The following RUFY4 variants were observed in gnomAD, a reference collection of about 807,000 sequenced individuals.
The protein encoded by RUFY4 is RUN and FYVE domain containing 4.
A neutral mutation model predicts 69.0 loss-of-function variants in RUFY4; 73 were observed. The ratio of observed to expected loss-of-function variants is 1.06; its 90% CI spans 0.88 to 1.29. The LOEUF (loss-of-function observed/expected upper bound fraction) is 1.29. RUFY4 is among the 50% of genes most tolerant of loss of function. The pLI, the probability that RUFY4 is intolerant of heterozygous loss-of-function variation, is 0.00. For missense variants in RUFY4, 770 were observed against 705.6 expected (o/e 1.09, Z -1.03); for synonymous variants, 287 against 271.8 (o/e 1.06, Z -0.55).
intron 2 of RUFY4, among the ~76,000 whole-genome samples, chr2:218,040,100 T>G (rs1311076965): frequency 6.6e-6 from 1 of 152,122 alleles, no homozygotes; most frequent in Non-Finnish European, 1.5e-5. Flanking sequence ...AATTTAGGAA[T>G]AAACAAATGG....
intron 2 of RUFY4, among the ~76,000 whole-genome samples, chr2:218,038,313 T>C (rs1296058085): frequency 7.1e-6 from 1 of 140,592 alleles, no homozygotes; most frequent in Non-Finnish European, 1.6e-5. Context: ...ATGGCCATAG[T>C]TAAACATCTT....
upstream of RUFY4, among the ~76,000 whole-genome samples, chr2:218,068,137 G>GGAGGATGGCAGGGGGATA (rs1335551474): frequency 3.0e-5 from 4 of 133,532 alleles, no homozygotes; most frequent in Non-Finnish European, 5.0e-5. Context: ...GCAGGGGACT[G>GGAGGATGGCAGGGGGATA]GAGGAGGGCA....
chr2:218,090,134 C>T (rs1689998508), exon 11 of RUFY4: 1 of 815,192 alleles, frequency 1.2e-6, no homozygotes, highest in South Asian at 1.4e-5. Context: ...CGTAGCTCTT[C>T]CCAGCCCTCT....
chr2:218,055,271 T>A (rs1232234152), intron 2 of RUFY4, among the ~76,000 whole-genome samples: 1 of 152,058 alleles, frequency 6.6e-6, no homozygotes, highest in African/African-American at 2.4e-5. Flanking sequence ...GGCAGGCACC[T>A]GTAGTCCCAG....
At chr2:218,070,102 C>T (rs113064395), upstream of RUFY4, among the ~76,000 whole-genome samples, 2,748 of 152,230 alleles carry the variant, frequency 0.018, 84 homozygotes, top group African/African-American at 0.063. Context: ...GCTAGGGGCA[C>T]TCCATGGGGA....
upstream of RUFY4, among the ~76,000 whole-genome samples, chr2:218,065,332 T>C (rs1028391307): frequency 6.6e-6 from 1 of 152,136 alleles, no homozygotes; most frequent in Non-Finnish European, 1.5e-5. Flanking sequence ...TGATTGGCCA[T>C]TTCTGCCCAG....
At chr2:218,063,390 A>G (rs1417529989) in intron 3 of RUFY4, among the ~76,000 whole-genome samples, 1 of 152,222 alleles carries the variant, frequency 6.6e-6, no homozygotes, top group Non-Finnish European at 1.5e-5. Flanking sequence ...GTGGGTGAGG[A>G]AGTGGAAAAG....
At chr2:218,079,597 G>C (rs1472985393) in intron 8 of RUFY4, among the ~76,000 whole-genome samples, 2 of 152,098 alleles carry the variant, frequency 1.3e-5, no homozygotes, top group Non-Finnish European at 2.9e-5. Context: ...CTGGGAGATC[G>C]ATCCTGGAGT....
At chr2:218,048,753 TA>T (rs375788087) in intron 2 of RUFY4, among the ~76,000 whole-genome samples, 65 of 152,122 alleles carry the variant, frequency 4.3e-4, no homozygotes, top group African/African-American at 1.2e-3. Flanking sequence ...TTATGCCTTT[TA>T]AAAAAAATCC....
intron 3 of RUFY4, among the ~76,000 whole-genome samples, chr2:218,063,520 C>T (rs1689249365): frequency 6.6e-6 from 1 of 152,210 alleles, no homozygotes; most frequent in Non-Finnish European, 1.5e-5. Flanking sequence ...CAACCCCCAT[C>T]CTAGGGATAT....
chr2:218,043,447 C>T (rs1688748442), intron 2 of RUFY4, among the ~76,000 whole-genome samples: 1 of 151,886 alleles, frequency 6.6e-6, no homozygotes, highest in African/African-American at 2.4e-5. Flanking sequence ...GAGGGTAGCT[C>T]TTCTCTGTAG....
chr2:218,077,015 G>A (rs918494121), intron 8 of RUFY4, among the ~76,000 whole-genome samples: 4 of 152,188 alleles, frequency 2.6e-5, no homozygotes, highest in Non-Finnish European at 5.9e-5. Context: ...CTACGTCCCA[G>A]GCACTGCTGT....
Position 218,083,101 on chromosome 2 carries a change from T to G in RUFY4, c.1356-9T>G. 1 of 1,612,484 alleles carries G rather than the reference T, an allele frequency of 6.2e-7. No individual in the cohort carries two copies. Among genetic ancestry groups the G allele is most frequent in the Non-Finnish European group, 8.5e-7 (1 of 1,179,676 alleles). On this transcript the variant is annotated splice_polypyrimidine_tract_variant and intron_variant, in intron 8 of 10. Coordinates refer to ENST00000344321, the Ensembl canonical transcript of RUFY4. ...CCCCCTGAGAACCTAGTCTTCCTTC[T>G]GTACCCAGGTGTCAGGAAGAGAGAG...
upstream of RUFY4, among the ~76,000 whole-genome samples, chr2:218,067,003 C>T (rs79672794): frequency 0.021 from 3,206 of 152,292 alleles, 107 homozygotes; most frequent in African/African-American, 0.068. Context: ...TCTGTATTTA[C>T]GAAATATTTC....
chr2:218,090,114 A>T (rs1483028152), exon 11 of RUFY4: 1 of 1,043,298 alleles, frequency 9.6e-7, no homozygotes, highest in Non-Finnish European at 1.4e-6. Flanking sequence ...CACTCAATCC[A>T]CTCCCTGCCC....
intron 3 of RUFY4, among the ~76,000 whole-genome samples, chr2:218,063,116 G>A (rs761832028): frequency 9.9e-5 from 15 of 152,142 alleles, no homozygotes; most frequent in Non-Finnish European, 2.1e-4. Flanking sequence ...ATTCAAAAAT[G>A]TTATCCCAGT....
upstream of RUFY4, chr2:218,065,499 A>T (rs561469214): frequency 3.5e-4 from 54 of 152,542 alleles, no homozygotes; most frequent in African/African-American, 1.3e-3. Flanking sequence ...AGCCCCACTC[A>T]CTCACTCACC....
chr2:218,079,651 G>A (rs947388777), intron 8 of RUFY4, among the ~76,000 whole-genome samples: 1 of 152,156 alleles, frequency 6.6e-6, no homozygotes, highest in Non-Finnish European at 1.5e-5. Context: ...CTGAGGCTCA[G>A]AAGAGGATGT....
At chr2:218,076,563 C>G (rs563379028) in intron 8 of RUFY4, 30 bp downstream of exon 10, 2 of 1,546,602 alleles carry the variant, frequency 1.3e-6, no homozygotes, top group South Asian at 2.4e-5. Context: ...GCACAGGGCA[C>G]CTGGAAGTGC....
Sources: allele counts gnomAD v4.1 joint callset (sites outside exome capture counted in the v4.1 genomes callset), GRCh38; gene constraint gnomAD v4.1.1; transcripts MANE v1.5; gene names NCBI Gene and HGNC (gene_info 2026-07-23, HGNC 2026-07-21).